Variants in CHN1 observed in about 807,000 individuals in gnomAD.
CHN1 encodes chimerin 1, also known as N-chimaerin.
CHN1 carries 37 observed loss-of-function variants against 59.5 expected under a neutral mutation model. The ratio of observed to expected loss-of-function variants is 0.62; its 90% CI spans 0.48 to 0.82. The LOEUF (loss-of-function observed/expected upper bound fraction) is 0.82. CHN1 is among the 40% of genes least tolerant of loss of function. The pLI is 0.00. For missense variants in CHN1, 469 were observed against 571.0 expected (o/e 0.82, Z 1.82); for synonymous variants, 206 against 200.4 (o/e 1.03, Z -0.24).
chr2:174,914,932 A>C, intron 5 of CHN1, 126 bp downstream of exon 5: 1 of 531,518 alleles, frequency 1.9e-6, no homozygotes, highest in African/African-American at 1.9e-5. Context: ...AGCTATTAAA[A>C]TGGTAATTAG....
intron 7 of CHN1, 21 bp downstream of exon 7, chr2:174,846,859 A>T: frequency 2.0e-6 from 3 of 1,538,056 alleles, no homozygotes; most frequent in Non-Finnish European, 2.6e-6. Context: ...TTCTTAAAAG[A>T]CTAAAAGCAA....
chr2:174,982,421 A>G (rs1174685016), intron 1 of CHN1, among the ~76,000 whole-genome samples: 1 of 152,202 alleles, frequency 6.6e-6, no homozygotes, highest in Non-Finnish European at 1.5e-5. Context: ...CCAACAGTGT[A>G]AAAGTGTTCC....
chr2:174,914,537 T>C (rs771348147), intron 5 of CHN1, among the ~76,000 whole-genome samples: 2 of 152,146 alleles, frequency 1.3e-5, no homozygotes, highest in Non-Finnish European at 2.9e-5. Flanking sequence ...AGGAAGCAGC[T>C]ACCGCAAAAT....
chr2:174,857,208 A>G (rs1686928740), intron 6 of CHN1, among the ~76,000 whole-genome samples: 1 of 152,126 alleles, frequency 6.6e-6, no homozygotes, highest in Non-Finnish European at 1.5e-5. Flanking sequence ...AGTTAGAACA[A>G]CCTTTACAAT....
intron 1 of CHN1, among the ~76,000 whole-genome samples, chr2:174,994,125 T>A (rs1047752145): frequency 2.0e-5 from 3 of 152,200 alleles, no homozygotes; most frequent in African/African-American, 7.2e-5. Context: ...TGAACAATAG[T>A]TTAATGAAGT....
intron 3 of CHN1, among the ~76,000 whole-genome samples, chr2:174,927,317 C>T (rs1450037902): frequency 6.6e-6 from 1 of 152,194 alleles, no homozygotes; most frequent in Non-Finnish European, 1.5e-5. Flanking sequence ...CTTGGCCTCC[C>T]AAAGCGTTAT....
In CHN1 at chr2:174,799,328, A is replaced by T. The variant is rs1182579755; in HGVS notation, c.*788T>A. ...ACAAAAGAGGTCAGAAGAAGTACTC[A>T]GTATTTAATAAATGGCCAAACACAT... On this transcript the variant is annotated 3_prime_UTR_variant, in exon 13 of 13. Transcript: ENST00000409900. 2.6e-6 allele frequency: 1 copy of T among 384,734 alleles called. No individual in the cohort carries two copies. Among genetic ancestry groups the T allele is most frequent in the Non-Finnish European group, 5.0e-6 (1 of 201,334 alleles). The allele number at this position is 384,734 out of a possible 1,614,324, so 23.8% of individuals were successfully genotyped here.
intron 3 of CHN1, among the ~76,000 whole-genome samples, chr2:174,936,843 GC>G (rs1427362765): frequency 3.9e-5 from 6 of 152,058 alleles, no homozygotes; most frequent in African/African-American, 1.4e-4. Flanking sequence ...TAATTTTCAA[GC>G]TTTTAAGTAT....
chr2:174,917,446 A>T (rs1245788685), intron 4 of CHN1, among the ~76,000 whole-genome samples: 2 of 152,142 alleles, frequency 1.3e-5, no homozygotes, highest in East Asian at 3.8e-4. Context: ...AAAAAAAAAA[A>T]TTCAATTAAC....
chr2:174,971,853 A>C (rs1224935494), intron 1 of CHN1, among the ~76,000 whole-genome samples: 1 of 152,212 alleles, frequency 6.6e-6, no homozygotes, highest in Non-Finnish European at 1.5e-5. Context: ...GACTACATCT[A>C]AAATTATCAA....
intron 1 of CHN1, among the ~76,000 whole-genome samples, chr2:174,963,634 A>T (rs564406525): frequency 9.2e-5 from 14 of 152,338 alleles, no homozygotes; most frequent in Middle Eastern, 6.8e-3. Context: ...CTGAGTTGTC[A>T]GGAGCCATCC....
intron 1 of CHN1, among the ~76,000 whole-genome samples, chr2:174,957,915 A>T (rs1414145723): frequency 6.6e-6 from 1 of 152,140 alleles, no homozygotes; most frequent in East Asian, 1.9e-4. Context: ...CAGTCAATCA[A>T]CCATGCTTAT....
chr2:174,833,159 T>TGA (rs1685937995), intron 7 of CHN1, among the ~76,000 whole-genome samples: 1 of 152,192 alleles, frequency 6.6e-6, no homozygotes. Flanking sequence ...TTGATACTGT[T>TGA]CTTCAAGTCT....
At chr2:174,915,745 CAT>C (rs1305943199) in intron 4 of CHN1, among the ~76,000 whole-genome samples, 9 of 152,154 alleles carry the variant, frequency 5.9e-5, no homozygotes, top group Admixed American at 5.2e-4. Context: ...CTTTGATTAA[CAT>C]AGAAAAATAG....
intron 3 of CHN1, among the ~76,000 whole-genome samples, chr2:174,924,544 T>C (rs1689114736): frequency 6.6e-6 from 1 of 152,216 alleles, no homozygotes; most frequent in South Asian, 2.1e-4. Context: ...AGTCCAAAAA[T>C]CCCAGCTACT....
intron 1 of CHN1, among the ~76,000 whole-genome samples, chr2:174,990,268 A>T (rs1261350840): frequency 0.016 from 1,426 of 88,368 alleles, 4 homozygotes; most frequent in Non-Finnish European, 0.022. Context: ...TGTGTGAGAG[A>T]GAGAGAGAGA....
At chr2:174,995,693 C>T (rs1391010643) in intron 1 of CHN1, among the ~76,000 whole-genome samples, 1 of 152,170 alleles carries the variant, frequency 6.6e-6, no homozygotes, top group African/African-American at 2.4e-5. Context: ...TGGCCCAGTT[C>T]CTAAAAGGCC....
At chr2:174,810,683 G>A (rs1230172236) in intron 10 of CHN1, among the ~76,000 whole-genome samples, 2 of 152,238 alleles carry the variant, frequency 1.3e-5, no homozygotes, top group East Asian at 1.9e-4. Flanking sequence ...TACATGGGCT[G>A]GCCTAGTTTC....
intron 5 of CHN1, among the ~76,000 whole-genome samples, chr2:174,889,400 AT>A (rs946990607): frequency 6.6e-6 from 1 of 152,220 alleles, no homozygotes; most frequent in Admixed American, 6.5e-5. Flanking sequence ...ATGGATATCT[AT>A]GAAATATCTG....
Sources: gnomAD v4.1 joint callset for allele counts (sites outside exome capture counted in the v4.1 genomes callset) on GRCh38, gnomAD v4.1.1 for gene constraint, MANE v1.5 for transcripts, NCBI Gene and HGNC (gene_info 2026-07-23, HGNC 2026-07-21) for gene names.